The following PRPF18 variants were observed in gnomAD, a reference collection of about 807,000 sequenced individuals.
PRPF18 encodes pre-mRNA-splicing factor 18.
Under a neutral mutation model 46.5 loss-of-function variants are expected in PRPF18, and 38 were observed. The ratio of observed to expected loss-of-function variants is 0.82; its 90% CI spans 0.63 to 1.07. The LOEUF is 1.07. PRPF18 is among the 50% of genes least tolerant of loss of function. The pLI, the probability that PRPF18 is intolerant of heterozygous loss-of-function variation, is 0.00. For synonymous variants in PRPF18, 152 were observed against 146.7 expected (o/e 1.04, Z -0.26); for missense variants, 263 against 410.0 (o/e 0.64, Z 3.10).
At chr10:13,587,361 T>C (rs1461487450) in intron 1 of PRPF18, among the ~76,000 whole-genome samples, 12 of 152,110 alleles carry the variant, frequency 7.9e-5, no homozygotes, top group Admixed American at 7.9e-4. Flanking sequence ...GCAGGGAACT[T>C]GAGTACAATT....
intron 4 of PRPF18, among the ~76,000 whole-genome samples, chr10:13,609,542 A>G (rs2080242123): frequency 6.6e-6 from 1 of 152,228 alleles, no homozygotes; most frequent in South Asian, 2.1e-4. Context: ...CCATATGTGC[A>G]TAAAATGCGA....
At position 13,600,264 on chromosome 10, in the gene PRPF18, C is replaced by T. The variant is rs546679865; in HGVS notation, c.165C>T (p.Asp55=). 1 of 1,610,320 alleles carries T rather than the reference C, an allele frequency of 6.2e-7. No individual in the cohort carries two copies. Among genetic ancestry groups the T allele is most frequent in the Admixed American group, 1.7e-5 (1 of 59,622 alleles). Residue 55 remains aspartate (D), a synonymous_variant, in exon 3 of 10, where the codon GAC becomes GAT. Coordinates refer to ENST00000378572, the MANE Select transcript of PRPF18 (RefSeq NM_003675.4). ...CGYKIQPKEE[D]QKPLTSSNPV... is the part of the protein sequence containing the mutation. ...TATAGATACAGCCAAAAGAGGAGGA[C>T]CAGAAACCATTAACTTCATCGAATC...
At chr10:13,594,628 G>T (rs1322910381) in intron 1 of PRPF18, among the ~76,000 whole-genome samples, 1 of 152,102 alleles carries the variant, frequency 6.6e-6, no homozygotes, top group Admixed American at 6.6e-5. Flanking sequence ...TGACATTTTT[G>T]ATTAGATAAT....
the PRPF18 span, chr10:13,651,869 A>G: frequency 4.8e-6 from 5 of 1,050,664 alleles, no homozygotes; most frequent in Non-Finnish European, 7.5e-6. Context: ...CCACAGACTC[A>G]TGGGCAGTAG....
At chr10:13,625,381 AG>A (rs1276629805) in intron 9 of PRPF18, among the ~76,000 whole-genome samples, 2 of 152,226 alleles carry the variant, frequency 1.3e-5, no homozygotes, top group Admixed American at 6.5e-5. Context: ...GCTATAAAAA[AG>A]TTTGAGAATC....
intron 6 of PRPF18, 84 bp downstream of exon 6, chr10:13,611,767 C>A: frequency 1.6e-6 from 2 of 1,223,756 alleles, no homozygotes; most frequent in South Asian, 2.6e-5. Flanking sequence ...GGGTTAAAGG[C>A]TGGAACGGGA....
chr10:13,641,141 C>T, the PRPF18 span: 1 of 152,180 alleles, frequency 6.6e-6, no homozygotes. Context: ...TTTCTATTGG[C>T]CCCCTCTACT....
downstream of PRPF18, among the ~76,000 whole-genome samples, chr10:13,633,885 C>T (rs936828192): frequency 3.3e-5 from 5 of 152,196 alleles, no homozygotes; most frequent in African/African-American, 4.8e-5. Flanking sequence ...CAAGAGCCAG[C>T]GCCAGTCCCC....
the PRPF18 span, chr10:13,652,111 A>G: frequency 2.9e-6 from 2 of 689,716 alleles, no homozygotes; most frequent in East Asian, 2.6e-5. Context: ...TTAGCAACAG[A>G]TCATACAAGT....
intron 5 of PRPF18, 130 bp from the exon 6 acceptor site, chr10:13,611,485 C>T: frequency 1.4e-6 from 1 of 705,030 alleles, no homozygotes. Context: ...TCTAGAAATT[C>T]CATCCGATTT....
At chr10:13,639,960 T>A in the PRPF18 span, 5 of 152,222 alleles carry the variant, frequency 3.3e-5, no homozygotes, top group Non-Finnish European at 5.9e-5. Flanking sequence ...TGTTCACTCC[T>A]GAAGGAATAG....
At chr10:13,598,780 G>A (rs1165331660) in intron 2 of PRPF18, among the ~76,000 whole-genome samples, 1 of 152,128 alleles carries the variant, frequency 6.6e-6, no homozygotes, top group Non-Finnish European at 1.5e-5. Context: ...ACACACACTT[G>A]GTCTGGAATA....
downstream of PRPF18, among the ~76,000 whole-genome samples, chr10:13,635,660 TTTC>T (rs1423720158): frequency 2.0e-5 from 3 of 152,222 alleles, no homozygotes; most frequent in Non-Finnish European, 2.9e-5. Flanking sequence ...ATGTTGAGCT[TTTC>T]TTCTTGTGTT....
At chr10:13,600,503 TACTC>T (rs1274264296) in intron 3 of PRPF18, among the ~76,000 whole-genome samples, 155 bp downstream of exon 3, 1 of 152,246 alleles carries the variant, frequency 6.6e-6, no homozygotes. Flanking sequence ...AGTTCTAAAT[TACTC>T]ACTGCTTCTT....
rs149873059 is a variant in PRPF18, at chr10:13,611,515, C to T, written c.511-100C>T. The T allele has an allele frequency of 9.3e-4, 864 of 932,084 alleles. 4 individuals are homozygous for T. Among genetic ancestry groups the T allele is most frequent in the African/African-American group, 8.5e-3 (511 of 59,846 alleles). The allele number at this position is 932,084 out of a possible 1,614,324, so 57.7% of individuals were successfully genotyped here. On this transcript the variant is annotated intron_variant, in intron 5 of 9. Coordinates refer to ENST00000378572, the MANE Select transcript of PRPF18 (RefSeq NM_003675.4). The stretch of plus-strand genomic sequence containing the variant: ...CGATTTTTAAGTAAAAATTGAACAG[C>T]ATATGTGACCAAGAGCCATGTTTAG...
chr10:13,595,014 C>T (rs184379612), intron 1 of PRPF18, among the ~76,000 whole-genome samples: 2 of 152,310 alleles, frequency 1.3e-5, no homozygotes, highest in Admixed American at 1.3e-4. Flanking sequence ...GCTAATTATA[C>T]TTCGTCAAGG....
At chr10:13,629,153 G>T (rs1223427898) in intron 9 of PRPF18, among the ~76,000 whole-genome samples, 1 of 152,206 alleles carries the variant, frequency 6.6e-6, no homozygotes, top group Non-Finnish European at 1.5e-5. Context: ...TGGCCAAACT[G>T]CTGTAGAGAC....
At chr10:13,619,059 C>A (rs185412014) in intron 9 of PRPF18, among the ~76,000 whole-genome samples, 2 of 152,210 alleles carry the variant, frequency 1.3e-5, no homozygotes, top group African/African-American at 4.8e-5. Context: ...ACCTCGATCC[C>A]TCACATGTGC....
the PRPF18 span, chr10:13,654,635 G>A: frequency 3.1e-6 from 2 of 651,298 alleles, no homozygotes; most frequent in Admixed American, 2.7e-5. Context: ...AGGGATGCTG[G>A]GAAGGACCCC....
Sources: allele counts gnomAD v4.1 joint callset (sites outside exome capture counted in the v4.1 genomes callset), GRCh38; gene constraint gnomAD v4.1.1; transcripts MANE v1.5; gene names NCBI Gene and HGNC (gene_info 2026-07-23, HGNC 2026-07-21).